Variants in SAMD4A observed in about 807,000 individuals in gnomAD.
SAMD4A encodes the protein sterile alpha motif domain containing 4A.
In SAMD4A, 33 loss-of-function variants were observed where a neutral mutation model predicts 81.3. The ratio of observed to expected loss-of-function variants is 0.41; its 90% CI spans 0.31 to 0.54. The LOEUF is 0.54. Ranked by LOEUF, SAMD4A falls within the 20% of genes least tolerant of loss-of-function variation. SAMD4A has a pLI of 0.37. For synonymous variants in SAMD4A, 389 were observed against 382.1 expected (o/e 1.02, Z -0.21); for missense variants, 854 against 951.1 (o/e 0.90, Z 1.34).
chr14:54,639,801 AACACAC>A (rs10677522), intron 2 of SAMD4A, among the ~76,000 whole-genome samples: 5 of 148,844 alleles, frequency 3.4e-5, no homozygotes, highest in Admixed American at 6.7e-5. Flanking sequence ...CATTGCTTGA[AACACAC>A]ACACACACAC....
chr14:54,589,715 C>T (rs1332949491), intron 2 of SAMD4A, among the ~76,000 whole-genome samples: 4 of 152,174 alleles, frequency 2.6e-5, no homozygotes, highest in African/African-American at 9.7e-5. Context: ...AGTCCCTTCC[C>T]TAGTTTGAAA....
In SAMD4A at chr14:54,588,598, C is replaced by T. The variant is rs918149632; in HGVS notation, c.196+20486C>T. Reference sequence around the variant, plus strand: ...AACATTTAAGTATTTTTTTTGTACACTCTTTTCTACAATGGATATTGTTAA... The same window carrying T: ...AACATTTAAGTATTTTTTTTGTACATTCTTTTCTACAATGGATATTGTTAA... On this transcript the variant is annotated intron_variant, in intron 2 of 12. Coordinates refer to ENST00000554335, the MANE Select transcript of SAMD4A (RefSeq NM_015589.6). 2.0e-5 allele frequency among the ~76,000 whole-genome samples: 3 copies of T among 152,174 alleles called. No homozygotes were observed. In the South Asian group the frequency reaches 6.2e-4, roughly 32 times the overall value.
At chr14:54,699,445 T>C (rs544960872) in intron 2 of SAMD4A, among the ~76,000 whole-genome samples, 15 of 152,192 alleles carry the variant, frequency 9.9e-5, no homozygotes, top group Non-Finnish European at 1.6e-4. Context: ...TCCAGCCCTG[T>C]GCTCAGCAGC....
intron 2 of SAMD4A, among the ~76,000 whole-genome samples, chr14:54,665,728 T>C (rs1046731175): frequency 6.6e-6 from 1 of 152,220 alleles, no homozygotes; most frequent in Non-Finnish European, 1.5e-5. Context: ...TCCATCTCCA[T>C]CTTCTCTAAC....
chr14:54,702,713 G>A, intron 3 of SAMD4A, 133 bp downstream of exon 3: 2 of 1,097,638 alleles, frequency 1.8e-6, no homozygotes, highest in Non-Finnish European at 2.6e-6. Flanking sequence ...ATTGGCTGTG[G>A]GAAAGGTCCT....
chr14:54,717,137 AT>A (rs139513658), intron 3 of SAMD4A, among the ~76,000 whole-genome samples: 2,329 of 152,206 alleles, frequency 0.015, 58 homozygotes, highest in African/African-American at 0.053. Context: ...TTGTTCACAT[AT>A]GTTCATCATT....
At chr14:54,673,349 C>G (rs552855968) in intron 2 of SAMD4A, among the ~76,000 whole-genome samples, 1 of 152,352 alleles carries the variant, frequency 6.6e-6, no homozygotes, top group South Asian at 2.1e-4. Context: ...ATAAATAGTC[C>G]TGGCTCCTAC....
intron 2 of SAMD4A, among the ~76,000 whole-genome samples, chr14:54,684,876 G>A (rs955780470): frequency 1.3e-5 from 2 of 152,214 alleles, no homozygotes; most frequent in South Asian, 4.1e-4. Flanking sequence ...GCCTCAGGGC[G>A]GGACCTGGAA....
chr14:54,645,756 G>C (rs1268158965), intron 2 of SAMD4A, among the ~76,000 whole-genome samples: 1 of 152,168 alleles, frequency 6.6e-6, no homozygotes, highest in Admixed American at 6.5e-5. Flanking sequence ...AAGTCATTTT[G>C]TGTGATTATT....
At chr14:54,717,298 C>T (rs970799310) in intron 3 of SAMD4A, among the ~76,000 whole-genome samples, 4 of 151,832 alleles carry the variant, frequency 2.6e-5, no homozygotes. Context: ...AAAAATTAGC[C>T]AGGTGTGATG....
At chr14:54,733,829 G>GA (rs11463836) in intron 3 of SAMD4A, among the ~76,000 whole-genome samples, 34,150 of 145,658 alleles carry the variant, frequency 0.23, 3,929 homozygotes, top group Middle Eastern at 0.36. Flanking sequence ...CTACTCATAG[G>GA]AAAAAAAAAA....
At chr14:54,662,302 G>A (rs1294869145) in intron 2 of SAMD4A, among the ~76,000 whole-genome samples, 2 of 152,198 alleles carry the variant, frequency 1.3e-5, no homozygotes, top group Non-Finnish European at 2.9e-5. Context: ...TCCACAGGGA[G>A]CTGAGATTGA....
chr14:54,575,934 T>G (rs1055840828), intron 2 of SAMD4A, among the ~76,000 whole-genome samples: 1 of 151,552 alleles, frequency 6.6e-6, no homozygotes, highest in African/African-American at 2.4e-5. Context: ...TGCTGAAATT[T>G]CCAGGCACTC....
At position 54,789,847 on chromosome 14, in the gene SAMD4A, G is replaced by T. The variant is rs1163139536; in HGVS notation, c.*903G>T. ...CTGGAATGAGCACAGCATTGGGTGA[G>T]CGCACAAGGATGAGGACATCATGTG... On this transcript the variant is annotated 3_prime_UTR_variant, in exon 13 of 13. Transcript: ENST00000554335. The T allele has an allele frequency of 1.3e-5, 2 of 152,306 alleles. No individual in the cohort carries two copies. The highest frequency in any genetic ancestry group is 4.8e-5 in the African/African-American group (2 of 41,460). 9.4% of individuals were successfully genotyped at this position (152,306 alleles called of 1,614,324 possible).
intron 3 of SAMD4A, chr14:54,735,128 A>G (rs1164276681): frequency 1.3e-5 from 2 of 152,134 alleles, no homozygotes; most frequent in Non-Finnish European, 2.9e-5. Flanking sequence ...TTATATAAAT[A>G]CTTAGACAGG....
intron 2 of SAMD4A, among the ~76,000 whole-genome samples, chr14:54,672,162 C>T (rs891163011): frequency 1.3e-5 from 2 of 151,558 alleles, no homozygotes; most frequent in African/African-American, 2.4e-5. Flanking sequence ...TGGGTTCAAG[C>T]GATTCTCCCA....
intron 2 of SAMD4A, among the ~76,000 whole-genome samples, chr14:54,594,927 A>G (rs1566538112): frequency 6.6e-6 from 1 of 152,232 alleles, no homozygotes. Context: ...AGGGCCAACC[A>G]TGAATGATTA....
intron 2 of SAMD4A, among the ~76,000 whole-genome samples, chr14:54,658,796 C>T (rs759522475): frequency 6.6e-6 from 1 of 152,236 alleles, no homozygotes; most frequent in Non-Finnish European, 1.5e-5. Flanking sequence ...CCCATCCTAA[C>T]GTCCTTACTC....
chr14:54,790,593 G>A lies in SAMD4A; in HGVS notation c.*1649G>A, dbSNP rs1322075292. 1 of 152,018 alleles carries A rather than the reference G, an allele frequency of 6.6e-6. No individual in the cohort carries two copies. The highest frequency in any genetic ancestry group is 1.5e-5 in the Non-Finnish European group (1 of 68,038). 9.4% of individuals were successfully genotyped at this position (152,018 alleles called of 1,614,324 possible). A position where few individuals can be genotyped will look rare whatever the true frequency, so the allele number is the denominator to read the frequency against. Reference sequence around the variant, plus strand: ...TGGAAAATCAGGTTGTGTAAATGAAGGTATGAATGCTCAGCCAGAGGCAAG... The same window carrying A: ...TGGAAAATCAGGTTGTGTAAATGAAAGTATGAATGCTCAGCCAGAGGCAAG... On this transcript the variant is annotated 3_prime_UTR_variant, in exon 13 of 13. Transcript: ENST00000554335.
Sources: gnomAD v4.1 joint callset for allele counts (sites outside exome capture counted in the v4.1 genomes callset) on GRCh38, gnomAD v4.1.1 for gene constraint, MANE v1.5 for transcripts, NCBI Gene and HGNC (gene_info 2026-07-23, HGNC 2026-07-21) for gene names.